Variants in AGAP3 observed in about 807,000 individuals in gnomAD.
AGAP3 encodes the protein arf-GAP with GTPase, ANK repeat and PH domain-containing protein 3.
Under a neutral mutation model 96.9 loss-of-function variants are expected in AGAP3, and 24 were observed. That is an observed-to-expected ratio of 0.25 (90% CI 0.18 to 0.35). The LOEUF is 0.35. Among genes scored for constraint, AGAP3 ranks in the 10% least tolerant of loss-of-function variants. The probability of loss-of-function intolerance (pLI) is 1.00; values close to 1 mark genes in which losing one functional copy is unlikely to be tolerated. For synonymous variants in AGAP3, 563 were observed against 536.1 expected (o/e 1.05, Z -0.69); for missense variants, 876 against 1,254.2 (o/e 0.70, Z 4.55).
At position 151,122,667 on chromosome 7, in the gene AGAP3, G is replaced by A. The variant is rs563028527; in HGVS notation, c.1129-1127G>A. 24 of 1,606,098 alleles carry A rather than the reference G, an allele frequency of 1.5e-5. No individual in the cohort carries two copies. In the African/African-American group the frequency reaches 1.7e-4, roughly 12 times the overall value. On this transcript the variant is annotated intron_variant, in intron 8 of 17. Coordinates refer to ENST00000397238, the MANE Select transcript of AGAP3 (RefSeq NM_031946.7). ...GTCTCTGCCCTCACCGGTGCTGACC[G>A]ACTTGTGCGGGGCTTGAGTATAACT...
rs1268658181 is a variant in AGAP3 at position 151,114,924 on chromosome 7, G to A, written c.332-1869G>A. On this transcript the variant is annotated intron_variant, in intron 1 of 17. Transcript: ENST00000397238. The surrounding 1 kb of genome is among the most constrained non-coding windows in gnomAD (Gnocchi z 4.4). ...GCAGGCCGCCCTCTGCGCCGCCAGTGAGCAGCCGGCGCGGCCGCGGAGCGT... is the reference window on the plus strand; with the variant it reads ...GCAGGCCGCCCTCTGCGCCGCCAGTAAGCAGCCGGCGCGGCCGCGGAGCGT... The A allele has an allele frequency of 3.0e-6, 3 of 988,004 alleles. No individual in the cohort carries two copies. The highest frequency in any genetic ancestry group is 3.6e-6 in the Non-Finnish European group (3 of 833,970). The allele number at this position is 988,004 out of a possible 1,614,324, so 61.2% of individuals were successfully genotyped here.
intron 10 of AGAP3, chr7:151,131,385 C>T (rs534968444): frequency 5.9e-5 from 9 of 152,340 alleles, no homozygotes; most frequent in South Asian, 2.1e-4. Flanking sequence ...AGTAATAAAA[C>T]GAGATGAGAA....
chr7:151,086,553 C>T lies in AGAP3; in HGVS notation c.-189C>T, dbSNP rs1798150271. Among the ~76,000 whole-genome samples, 1 of 147,462 alleles carries T rather than the reference C, an allele frequency of 6.8e-6. No individual in the cohort carries two copies. The highest frequency in any genetic ancestry group is 2.1e-4 in the South Asian group (1 of 4,822). On this transcript the variant is annotated 5_prime_UTR_variant, in exon 1 of 18. Transcript: ENST00000397238. ...GCTCGGCAGCGGCGGCCACAGCGTG[C>T]GCGGCGGCGCCTCCTGGCCTCGGCC... is the stretch of plus-strand genomic sequence containing the variant.
intron 4 of AGAP3, 44 bp downstream of exon 4, chr7:151,117,500 G>A: frequency 6.2e-7 from 1 of 1,613,762 alleles, no homozygotes. Context: ...TGTGCCTGGA[G>A]CCCTTTCTCG....
intron 1 of AGAP3, chr7:151,115,352 G>A: frequency 9.8e-7 from 1 of 1,021,386 alleles, no homozygotes; most frequent in Non-Finnish European, 1.2e-6. Context: ...GCTTCCGCCT[G>A]CGCCGCGGCC....
In AGAP3 at chr7:151,143,932, A is replaced by G; in HGVS notation, c.2725A>G (p.Ser909Gly). 1 of 1,613,964 alleles carries G rather than the reference A, an allele frequency of 6.2e-7. No homozygotes were observed. Among genetic ancestry groups the G allele is most frequent in the Non-Finnish European group, 8.5e-7 (1 of 1,179,958 alleles). ...CTCTGCTGAGCTGCACCGTAGTCCT[A>G]GCCTCCTATAAGGCCCAGGAAGAGG... Reference protein sequence around the residue: ...NPSAELHRSPSLL With the variant: ...NPSAELHRSPGLL Residue 909 changes from serine (S) to glycine (G), a missense_variant, in exon 18 of 18, where the codon AGC becomes GGC. By Grantham distance (56) the Ser-to-Gly change is moderately conservative. Coordinates refer to ENST00000397238, the MANE Select transcript of AGAP3 (RefSeq NM_031946.7). This position sits in a 1 kb window ranked among gnomAD's most constrained non-coding sequence, Gnocchi z 5.9.
At position 151,144,066 on chromosome 7, in the gene AGAP3, AGGAAATTAG is replaced by A. The variant is rs1316643112; in HGVS notation, c.*127_*135del. 2.9e-6 allele frequency: 3 copies of A among 1,045,518 alleles called. No homozygotes were observed. The highest frequency in any genetic ancestry group is 4.1e-6 in the Non-Finnish European group (3 of 726,660). 64.8% of individuals were successfully genotyped at this position (1,045,518 alleles called of 1,614,324 possible). Reference sequence around the variant, plus strand: ...GGGACATGCTGAGAGGACGAAGCCAAGGAAATTAGGGAGGAGAGTCAAAGGGATCAAGGA... The same window carrying A: ...GGGACATGCTGAGAGGACGAAGCCAAGGAGGAGAGTCAAAGGGATCAAGGA... On this transcript the variant is annotated 3_prime_UTR_variant, in exon 18 of 18. Transcript: ENST00000397238.
chr7:151,104,152 T>C (rs962113648), intron 1 of AGAP3, among the ~76,000 whole-genome samples: 2 of 152,188 alleles, frequency 1.3e-5, no homozygotes, highest in Non-Finnish European at 2.9e-5. Flanking sequence ...CGTCCATCAA[T>C]GATCTTTGCC....
chr7:151,093,151 A>G (rs944779311), intron 1 of AGAP3, among the ~76,000 whole-genome samples: 1 of 152,086 alleles, frequency 6.6e-6, no homozygotes, highest in Admixed American at 6.6e-5. Context: ...GTGTGTATAT[A>G]TATTTTTGGA....
At position 151,111,152 on chromosome 7, in the gene AGAP3, C is replaced by T. The variant is rs143627251; in HGVS notation, c.332-5641C>T. Among the ~76,000 whole-genome samples, 280 of 152,300 alleles carry T rather than the reference C, an allele frequency of 1.8e-3. 3 individuals carry two copies. Among genetic ancestry groups the T allele is most frequent in the African/African-American group, 6.4e-3 (267 of 41,558 alleles). Reference sequence around the variant, plus strand: ...CCCCACTGCCTCCCGGGCTCAGTGGCGGGTGTGTGGCCAGCCCTAGCATCC... The same window carrying T: ...CCCCACTGCCTCCCGGGCTCAGTGGTGGGTGTGTGGCCAGCCCTAGCATCC... On this transcript the variant is annotated intron_variant, in intron 1 of 17. Transcript: ENST00000397238.
chr7:151,114,955 C>G lies in AGAP3; in HGVS notation c.332-1838C>G. Reference sequence around the variant, plus strand: ...CCGGCGCGGCCGCGGAGCGTGTGCTCGGGCGGCCCGGAGCCGCCGCCCACC... The same window carrying G: ...CCGGCGCGGCCGCGGAGCGTGTGCTGGGGCGGCCCGGAGCCGCCGCCCACC... On this transcript the variant is annotated intron_variant, in intron 1 of 17. Transcript: ENST00000397238. The surrounding 1 kb of genome is among the most constrained non-coding windows in gnomAD (Gnocchi z 4.4). 1.0e-6 allele frequency: 1 copy of G among 982,926 alleles called. No individual in the cohort carries two copies. The highest frequency in any genetic ancestry group is 1.2e-6 in the Non-Finnish European group (1 of 830,260). 60.9% of individuals were successfully genotyped at this position (982,926 alleles called of 1,614,324 possible). A position where few individuals can be genotyped will look rare whatever the true frequency, so the allele number is the denominator to read the frequency against.
chr7:151,123,504 T>TA, intron 8 of AGAP3: 4 of 1,227,808 alleles, frequency 3.3e-6, no homozygotes, highest in Non-Finnish European at 4.1e-6. Context: ...CCGCTTCTCT[T>TA]ACGCCCCCGC....
chr7:151,091,175 G>T (rs926897340), intron 1 of AGAP3, among the ~76,000 whole-genome samples: 3 of 152,160 alleles, frequency 2.0e-5, no homozygotes, highest in Non-Finnish European at 4.4e-5. Flanking sequence ...ATTCCGCCGT[G>T]GGCCCTGCTG....
chr7:151,135,814 C>T (rs1335019133), intron 11 of AGAP3, among the ~76,000 whole-genome samples: 2 of 152,246 alleles, frequency 1.3e-5, no homozygotes, highest in African/African-American at 4.8e-5. Flanking sequence ...AATGAGGAAA[C>T]AGAGGCTTGG....
chr7:151,118,702 C>T lies in AGAP3; in HGVS notation c.969+70C>T, dbSNP rs186709855. The T allele has an allele frequency of 4.1e-4, 640 of 1,567,682 alleles. 4 individuals carry two copies. In the African/African-American group the frequency reaches 6.1e-3, roughly 15 times the overall value. ...TGTCTTGCCTCTGTGCGTCCTGCCA[C>T]TTCTGCTGGCCTCCTGCTCACACCT... On this transcript the variant is annotated intron_variant, in intron 7 of 17. Transcript: ENST00000397238. This position sits in a 1 kb window ranked among gnomAD's most constrained non-coding sequence, Gnocchi z 6.1.
intron 1 of AGAP3, among the ~76,000 whole-genome samples, chr7:151,113,555 G>A (rs780177856): frequency 6.6e-5 from 10 of 152,218 alleles, no homozygotes; most frequent in Non-Finnish European, 2.9e-5. Flanking sequence ...TGAAAGGGAC[G>A]CTGGGAGTTG....
At chr7:151,129,506 C>T (rs1036659695) in intron 10 of AGAP3, among the ~76,000 whole-genome samples, 9 of 152,096 alleles carry the variant, frequency 5.9e-5, no homozygotes, top group African/African-American at 1.9e-4. Context: ...AGGCCTGGCC[C>T]TCCTGGGCTT....
At position 151,114,980 on chromosome 7, in the gene AGAP3, C is replaced by A; in HGVS notation, c.332-1813C>A. 2.0e-6 allele frequency: 2 copies of A among 982,974 alleles called. No homozygotes were observed. The highest frequency in any genetic ancestry group is 2.4e-6 in the Non-Finnish European group (2 of 830,210). 60.9% of individuals were successfully genotyped at this position (982,974 alleles called of 1,614,324 possible). A position where few individuals can be genotyped will look rare whatever the true frequency, so the allele number is the denominator to read the frequency against. ...CGGGCGGCCCGGAGCCGCCGCCCACCGGCGCCCGCGGCCTTTTGCTCGGCC... is the reference window on the plus strand; with the variant it reads ...CGGGCGGCCCGGAGCCGCCGCCCACAGGCGCCCGCGGCCTTTTGCTCGGCC... On this transcript the variant is annotated intron_variant, in intron 1 of 17. Coordinates refer to ENST00000397238, the MANE Select transcript of AGAP3 (RefSeq NM_031946.7). The surrounding 1 kb of genome is among the most constrained non-coding windows in gnomAD (Gnocchi z 4.4).
At position 151,117,927 on chromosome 7, in the gene AGAP3, G is replaced by C. The variant is rs549963906; in HGVS notation, c.706+150G>C. 196 of 1,178,964 alleles carry C rather than the reference G, an allele frequency of 1.7e-4. 1 individual carries two copies. The South Asian group carries it at 3.1e-3, about 19-fold the overall frequency. 73.0% of individuals were successfully genotyped at this position (1,178,964 alleles called of 1,614,324 possible). A position where few individuals can be genotyped will look rare whatever the true frequency, so the allele number is the denominator to read the frequency against. ...ACCCTCAGCACTCTCCGTGCTGCTC[G>C]TGTCTGAGGGCTTTTGCCCCCACTG... On this transcript the variant is annotated intron_variant, in intron 5 of 17. Coordinates refer to ENST00000397238, the MANE Select transcript of AGAP3 (RefSeq NM_031946.7).
Sources: allele counts gnomAD v4.1 joint callset (sites outside exome capture counted in the v4.1 genomes callset), GRCh38; gene constraint gnomAD v4.1.1; non-coding constraint Gnocchi (gnomAD v3.1); transcripts MANE v1.5; gene names NCBI Gene and HGNC (gene_info 2026-07-23, HGNC 2026-07-21).